MMRN1: variants seen among roughly 807,000 people sequenced by gnomAD.
MMRN1 encodes the protein multimerin 1, also known as multimerin-1.
MMRN1 carries 94 observed loss-of-function variants against 100.7 expected under a neutral mutation model. The observed-to-expected ratio is 0.93, with a 90% CI of 0.79 to 1.11. The LOEUF is 1.11. Ranked by LOEUF, MMRN1 falls within the 50% of genes least tolerant of loss-of-function variation. MMRN1 has a pLI of 0.00. For synonymous variants in MMRN1, 575 were observed against 505.0 expected (o/e 1.14, Z -1.86); for missense variants, 1,606 against 1,439.1 (o/e 1.12, Z -1.88).
intron 6 of MMRN1, among the ~76,000 whole-genome samples, chr4:89,944,936 G>A (rs1279638919): frequency 1.3e-5 from 2 of 152,062 alleles, no homozygotes; most frequent in East Asian, 1.9e-4. Context: ...ATACATAGTC[G>A]TATAACCTTC....
intron 6 of MMRN1, among the ~76,000 whole-genome samples, chr4:89,950,858 C>A (rs1377751626): frequency 1.4e-4 from 21 of 152,018 alleles, no homozygotes; most frequent in Admixed American, 1.4e-3. Context: ...CATACCCGGC[C>A]TCATTTTCCA....
chr4:89,901,049 A>G (rs192282896), intron 1 of MMRN1, among the ~76,000 whole-genome samples: 1 of 151,874 alleles, frequency 6.6e-6, no homozygotes, highest in East Asian at 1.9e-4. Context: ...AAAAATAGCC[A>G]CTATTTCAGT....
At chr4:89,937,734 T>A (rs1722692318) in intron 6 of MMRN1, among the ~76,000 whole-genome samples, 1 of 152,040 alleles carries the variant, frequency 6.6e-6, no homozygotes, top group Non-Finnish European at 1.5e-5. Context: ...TTCACAGCCT[T>A]AATGCATGAC....
rs1723287000 is a variant in MMRN1 at position 89,954,560 on chromosome 4, A to C, written c.*1142A>C. 9 of 152,166 alleles carry C rather than the reference A, an allele frequency of 5.9e-5. 1 individual carries two copies. The highest frequency in any genetic ancestry group is 5.9e-4 in the Admixed American group (9 of 15,262). The allele number at this position is 152,166 out of a possible 1,614,324, so 9.4% of individuals were successfully genotyped here. The stretch of plus-strand genomic sequence containing the variant: ...AAATACATTCCTTGGATATCTGACA[A>C]CGTGTTTCTGAAAAACAGATTTTCA... On this transcript the variant is annotated 3_prime_UTR_variant, in exon 8 of 8. Transcript: ENST00000264790.
At chr4:89,920,211 C>T (rs1722044909) in intron 3 of MMRN1, among the ~76,000 whole-genome samples, 1 of 152,040 alleles carries the variant, frequency 6.6e-6, no homozygotes, top group Non-Finnish European at 1.5e-5. Flanking sequence ...TATTATATTT[C>T]AATATTTTAA....
intron 6 of MMRN1, among the ~76,000 whole-genome samples, chr4:89,949,154 A>G (rs368969629): frequency 2.6e-5 from 4 of 152,228 alleles, no homozygotes; most frequent in African/African-American, 9.6e-5. Flanking sequence ...CTGAAGATTC[A>G]GAGTAGAGCC....
chr4:89,898,296 A>G (rs1721274379), intron 1 of MMRN1, among the ~76,000 whole-genome samples: 1 of 152,114 alleles, frequency 6.6e-6, no homozygotes, highest in South Asian at 2.1e-4. Context: ...CTATAACTCC[A>G]TAAAGAAGAG....
intron 1 of MMRN1, among the ~76,000 whole-genome samples, chr4:89,880,103 A>T (rs964254781): frequency 1.3e-5 from 2 of 152,186 alleles, no homozygotes; most frequent in African/African-American, 4.8e-5. Flanking sequence ...TTAGCTGTTT[A>T]CATGTTTTCT....
chr4:89,950,619 C>A (rs1486666906), intron 6 of MMRN1, among the ~76,000 whole-genome samples: 1 of 151,936 alleles, frequency 6.6e-6, no homozygotes, highest in African/African-American at 2.4e-5. Flanking sequence ...CTTTTAGTGA[C>A]CTTTTGTGGG....
At chr4:89,898,120 A>G (rs1721267703) in intron 1 of MMRN1, among the ~76,000 whole-genome samples, 1 of 152,104 alleles carries the variant, frequency 6.6e-6, no homozygotes. Flanking sequence ...TAGGTCCTTC[A>G]CTTTTGGACA....
At position 89,953,983 on chromosome 4, in the gene MMRN1, ATTG is replaced by A. The variant is rs1308716461; in HGVS notation, c.*568_*570del. The stretch of plus-strand genomic sequence containing the variant: ...CTGAAAATATGAAAAATGCTTAACT[ATTG>A]TTCTCTTCCTATAATTCTCTAATTA... On this transcript the variant is annotated 3_prime_UTR_variant, in exon 8 of 8. Coordinates refer to ENST00000264790, the MANE Select transcript of MMRN1 (RefSeq NM_007351.3). 1 of 152,300 alleles carries A rather than the reference ATTG, an allele frequency of 6.6e-6. No individual in the cohort carries two copies. Among genetic ancestry groups the A allele is most frequent in the Non-Finnish European group, 1.5e-5 (1 of 68,154 alleles). 9.4% of individuals were successfully genotyped at this position (152,300 alleles called of 1,614,324 possible). A position where few individuals can be genotyped will look rare whatever the true frequency, so the allele number is the denominator to read the frequency against.
At chr4:89,889,906 T>C (rs1179169294), upstream of MMRN1, among the ~76,000 whole-genome samples, 1 of 152,138 alleles carries the variant, frequency 6.6e-6, no homozygotes, top group Non-Finnish European at 1.5e-5. Context: ...TGCATTTCTA[T>C]ACCTTGGAAG....
At chr4:89,901,239 T>TATAATATTAACCATAAA (rs1721377016) in intron 1 of MMRN1, among the ~76,000 whole-genome samples, 1 of 152,004 alleles carries the variant, frequency 6.6e-6, no homozygotes, top group Admixed American at 6.6e-5. Flanking sequence ...CTTATAATAT[T>TATAATATTAACCATAAA]TCATTTTAAA....
chr4:89,887,080 T>C (rs1486125734), intron 1 of MMRN1, among the ~76,000 whole-genome samples: 1 of 152,078 alleles, frequency 6.6e-6, no homozygotes, highest in Non-Finnish European at 1.5e-5. Flanking sequence ...ATGTTTTAGC[T>C]CCCACAAATT....
At chr4:89,904,640 C>CTG (rs1365265303) in intron 1 of MMRN1, among the ~76,000 whole-genome samples, 1 of 151,200 alleles carries the variant, frequency 6.6e-6, no homozygotes, top group South Asian at 2.1e-4. Context: ...GCGTGTGTGT[C>CTG]TGTGTGTGTT....
At chr4:89,945,166 T>G (rs1407149534) in intron 6 of MMRN1, among the ~76,000 whole-genome samples, 1 of 152,188 alleles carries the variant, frequency 6.6e-6, no homozygotes, top group Non-Finnish European at 1.5e-5. Flanking sequence ...CTGAGATTCA[T>G]CCATGTTCTT....
upstream of MMRN1, among the ~76,000 whole-genome samples, chr4:89,893,784 A>G (rs1025540673): frequency 6.8e-6 from 1 of 147,070 alleles, no homozygotes; most frequent in Non-Finnish European, 1.5e-5. Context: ...ATTCATGAAT[A>G]CATAAATAAA....
chr4:89,895,631 C>G (rs1721182515), intron 1 of MMRN1, 37 bp downstream of exon 1: 1 of 1,570,744 alleles, frequency 6.4e-7, no homozygotes, highest in South Asian at 1.2e-5. Context: ...CTTTCTCTGT[C>G]TATCAGGTCT....
rs1010998243 is a variant in MMRN1, at chr4:89,919,447, C to T, written c.851-3721C>T. Among the ~76,000 whole-genome samples, 15 of 151,442 alleles carry T rather than the reference C, an allele frequency of 9.9e-5. 1 individual carries two copies. Among genetic ancestry groups the T allele is most frequent in the African/African-American group, 2.4e-5 (1 of 41,344 alleles). ...AAAAATGAGTCTAATAATTTTATTT[C>T]TATATTATACAAATTTGTAGGATTG... On this transcript the variant is annotated intron_variant, in intron 3 of 7. Transcript: ENST00000264790.
Sources: gnomAD v4.1 joint callset for allele counts (sites outside exome capture counted in the v4.1 genomes callset) on GRCh38, gnomAD v4.1.1 for gene constraint, MANE v1.5 for transcripts, NCBI Gene and HGNC (gene_info 2026-07-23, HGNC 2026-07-21) for gene names.